Variants in ANO2 observed in about 807,000 individuals in gnomAD.
The protein encoded by ANO2 is anoctamin-2.
In ANO2, 101 loss-of-function variants were observed where a neutral mutation model predicts 124.2. That is an observed-to-expected ratio of 0.81 (90% CI 0.69 to 0.96). The LOEUF is 0.96. Ranked by LOEUF, ANO2 falls within the 40% of genes least tolerant of loss-of-function variation. The pLI, the probability that ANO2 is intolerant of heterozygous loss-of-function variation, is 0.00. For missense variants in ANO2, 1,293 were observed against 1,274.5 expected (o/e 1.01, Z -0.22); for synonymous variants, 486 against 482.5 (o/e 1.01, Z -0.09).
chr12:5,882,660 TG>T (rs1396143285), intron 3 of ANO2, among the ~76,000 whole-genome samples: 2 of 152,310 alleles, frequency 1.3e-5, no homozygotes, highest in East Asian at 3.9e-4. Flanking sequence ...AGGCATCAGC[TG>T]GGGTGGTCTG....
chr12:5,898,621 A>G (rs1328718312), intron 3 of ANO2, among the ~76,000 whole-genome samples: 1 of 152,212 alleles, frequency 6.6e-6, no homozygotes, highest in Non-Finnish European at 1.5e-5. Context: ...GGCAAAAACA[A>G]AAGCCAGACA....
chr12:5,719,100 C>T (rs1468016397), intron 14 of ANO2, among the ~76,000 whole-genome samples: 1 of 152,238 alleles, frequency 6.6e-6, no homozygotes, highest in East Asian at 1.9e-4. Flanking sequence ...TTAACTCATG[C>T]ACTTTAGGAC....
intron 10 of ANO2, among the ~76,000 whole-genome samples, chr12:5,798,194 C>G (rs1952929696): frequency 6.6e-6 from 1 of 152,100 alleles, no homozygotes; most frequent in East Asian, 1.9e-4. Flanking sequence ...GCCCAGAGAA[C>G]AGTCTAGGTG....
At chr12:5,821,442 G>T (rs947528835) in intron 7 of ANO2, among the ~76,000 whole-genome samples, 2 of 152,210 alleles carry the variant, frequency 1.3e-5, no homozygotes, top group Non-Finnish European at 2.9e-5. Flanking sequence ...TTTTGAGTGG[G>T]ATCCAGAATA....
intron 7 of ANO2, among the ~76,000 whole-genome samples, chr12:5,827,156 T>A (rs1953980362): frequency 6.6e-6 from 1 of 152,192 alleles, no homozygotes; most frequent in Non-Finnish European, 1.5e-5. Flanking sequence ...TCCGTCAGGA[T>A]CTGGACTGCC....
At position 5,805,041 on chromosome 12, in the gene ANO2, C is replaced by T. The variant is rs138661070; in HGVS notation, c.990+1011G>A. 1.9e-3 allele frequency among the ~76,000 whole-genome samples: 285 copies of T among 152,062 alleles called. 1 individual carries two copies. The highest frequency in any genetic ancestry group is 3.2e-3 in the Non-Finnish European group (219 of 68,006). ...CGGGACTTTTCAGGAAATTAAACAC[C>T]GAGACTATTAGCATCGGATAGAAAA... On this transcript the variant is annotated intron_variant, in intron 9 of 24. Coordinates refer to ENST00000682330, the MANE Select transcript of ANO2 (RefSeq NM_001364791.2).
chr12:5,761,125 T>C (rs1487905281), intron 10 of ANO2, among the ~76,000 whole-genome samples: 6 of 151,820 alleles, frequency 4.0e-5, no homozygotes, highest in Non-Finnish European at 8.8e-5. Flanking sequence ...CTTTAAAAGT[T>C]ACCCTAGATC....
intron 14 of ANO2, among the ~76,000 whole-genome samples, chr12:5,718,656 T>A (rs1950107513): frequency 2.0e-5 from 3 of 152,188 alleles, no homozygotes; most frequent in Admixed American, 2.0e-4. Flanking sequence ...GTAAGCAGAG[T>A]GGATCTCCGA....
intron 3 of ANO2, among the ~76,000 whole-genome samples, chr12:5,889,575 CCT>C (rs764750776): frequency 2.0e-5 from 3 of 152,252 alleles, no homozygotes; most frequent in Admixed American, 6.5e-5. Flanking sequence ...TTAAACGACC[CCT>C]GTCTTACACG....
chr12:5,584,136 C>CCG, intron 20 of ANO2: 1 of 163,862 alleles, frequency 6.1e-6, no homozygotes, highest in South Asian at 1.2e-4. Flanking sequence ...TGAACACCCC[C>CCG]CCCCCGCCGC....
At position 5,922,610 on chromosome 12, in the gene ANO2, C is replaced by CCCAA; in HGVS notation, c.207+9_207+10insTTGG. 1 of 1,525,466 alleles carries CCCAA rather than the reference C, an allele frequency of 6.6e-7. No individual in the cohort carries two copies. Among genetic ancestry groups the CCCAA allele is most frequent in the Non-Finnish European group, 8.8e-7 (1 of 1,136,208 alleles). 94.5% of individuals were successfully genotyped at this position (1,525,466 alleles called of 1,614,324 possible). A position where few individuals can be genotyped will look rare whatever the true frequency, so the allele number is the denominator to read the frequency against. On this transcript the variant is annotated intron_variant, in intron 2 of 24. Transcript: ENST00000682330. Reference sequence around the variant, plus strand: ...CCTATCCCCCCACCCCACCCCCGCCCAGTACTCACAGAGCTGCTGCGGGTG... The same window carrying CCCAA: ...CCTATCCCCCCACCCCACCCCCGCCCCCAAAGTACTCACAGAGCTGCTGCGGGTG...
chr12:5,901,121 C>T (rs1940174653), intron 3 of ANO2, among the ~76,000 whole-genome samples: 1 of 152,142 alleles, frequency 6.6e-6, no homozygotes, highest in Admixed American at 6.5e-5. Context: ...GCAAGAGGGA[C>T]CTGGAGATGT....
rs77016945 is a variant in ANO2 at position 5,873,103 on chromosome 12, T to C, written c.535-18962A>G. Among the ~76,000 whole-genome samples the C allele has an allele frequency of 2.8e-3, 427 of 152,310 alleles. 9 individuals are homozygous for C. In the East Asian group the frequency reaches 0.057, roughly 20 times the overall value. On this transcript the variant is annotated intron_variant, in intron 3 of 24. Coordinates refer to ENST00000682330, the MANE Select transcript of ANO2 (RefSeq NM_001364791.2). ...CTACTGTAAATCACTAATTTCCATATTGTTGTAAATAAAACCAGATAAAGA... is the reference window on the plus strand; with the variant it reads ...CTACTGTAAATCACTAATTTCCATACTGTTGTAAATAAAACCAGATAAAGA...
At chr12:5,704,410 G>C (rs1330261100) in intron 14 of ANO2, among the ~76,000 whole-genome samples, 1 of 152,104 alleles carries the variant, frequency 6.6e-6, no homozygotes, top group Non-Finnish European at 1.5e-5. Context: ...TAATAGCATA[G>C]CTTTTAAATG....
intron 15 of ANO2, among the ~76,000 whole-genome samples, chr12:5,637,968 C>T (rs1185797789): frequency 1.3e-5 from 2 of 152,120 alleles, no homozygotes; most frequent in African/African-American, 4.8e-5. Flanking sequence ...TTGCTGAAGT[C>T]CACAAGGTGT....
At chr12:5,845,557 A>C (rs1474405351) in intron 4 of ANO2, among the ~76,000 whole-genome samples, 1 of 118,266 alleles carries the variant, frequency 8.5e-6, no homozygotes, top group African/African-American at 3.4e-5. Flanking sequence ...ACAGAGTAAG[A>C]CTACATCTCA....
chr12:5,820,478 T>C (rs1301361590), intron 7 of ANO2, among the ~76,000 whole-genome samples: 1 of 152,172 alleles, frequency 6.6e-6, no homozygotes, highest in Non-Finnish European at 1.5e-5. Flanking sequence ...ACTAATCCTG[T>C]GGTCATTTCC....
chr12:5,705,306 A>C lies in ANO2; in HGVS notation c.1545+27214T>G, dbSNP rs1591953310. On this transcript the variant is annotated intron_variant, in intron 14 of 24. Transcript: ENST00000682330. ...AGGAGAAAAAAGAAGAAAAAATTGA[A>C]AGAGAAAGAAGAAAAAAGGAGAGAA... 2.0e-5 allele frequency among the ~76,000 whole-genome samples: 3 copies of C among 150,554 alleles called. No homozygotes were observed. The South Asian group carries it at 6.3e-4, about 31-fold the overall frequency.
At chr12:5,943,482 A>T (rs1942977226) in intron 1 of ANO2, among the ~76,000 whole-genome samples, 2 of 152,130 alleles carry the variant, frequency 1.3e-5, no homozygotes, top group Non-Finnish European at 2.9e-5. Context: ...CATAAGAATG[A>T]TATCATGGAC....
Sources: allele counts gnomAD v4.1 joint callset (sites outside exome capture counted in the v4.1 genomes callset), GRCh38; gene constraint gnomAD v4.1.1; transcripts MANE v1.5; gene names NCBI Gene and HGNC (gene_info 2026-07-23, HGNC 2026-07-21).